Variants in RABGEF1 observed in about 807,000 individuals in gnomAD.
The protein encoded by RABGEF1 is rab5 GDP/GTP exchange factor.
In RABGEF1, 26 loss-of-function variants were observed where a neutral mutation model predicts 57.3. The ratio of observed to expected loss-of-function variants is 0.45; its 90% CI spans 0.33 to 0.63. The LOEUF is 0.63. Ranked by LOEUF, RABGEF1 falls within the 20% of genes least tolerant of loss-of-function variation. The pLI is 0.02. For missense variants in RABGEF1, 464 were observed against 607.6 expected (o/e 0.76, Z 2.48); for synonymous variants, 185 against 210.7 (o/e 0.88, Z 1.06).
intron 1 of RABGEF1, among the ~76,000 whole-genome samples, chr7:66,698,835 C>T (rs1792760090): frequency 6.6e-6 from 1 of 152,208 alleles, no homozygotes; most frequent in South Asian, 2.1e-4. Flanking sequence ...CCTGGTACTC[C>T]TCCACCTTTC....
chr7:66,760,061 T>C (rs1227435217), intron 1 of RABGEF1, among the ~76,000 whole-genome samples: 14 of 152,190 alleles, frequency 9.2e-5, no homozygotes, highest in Admixed American at 9.2e-4. Flanking sequence ...GACCTCAGTT[T>C]CTAGGAGCTG....
At chr7:66,752,442 C>T (rs1010376784) in intron 1 of RABGEF1, among the ~76,000 whole-genome samples, 2 of 150,920 alleles carry the variant, frequency 1.3e-5, no homozygotes, top group African/African-American at 4.9e-5. Flanking sequence ...TGCAGTGAGC[C>T]GAGATCATGC....
the RABGEF1 span, among the ~76,000 whole-genome samples, chr7:66,669,589 A>T: frequency 4.6e-5 from 7 of 152,158 alleles, no homozygotes; most frequent in Non-Finnish European, 5.9e-5. Flanking sequence ...AATAAAAACA[A>T]ATTTCACACT....
rs548563380 is a variant in RABGEF1, at chr7:66,683,455, A to G, written c.-873+1197A>G. Among the ~76,000 whole-genome samples, 9 of 152,328 alleles carry G rather than the reference A, an allele frequency of 5.9e-5. No homozygotes were observed. The South Asian group carries it at 1.4e-3, about 25-fold the overall frequency. The stretch of plus-strand genomic sequence containing the variant: ...ATATGAATATTTAATGACCTTTCCA[A>G]TCAGTCAGTTTCTGCTCTCTAGAAG... On this transcript the variant is annotated intron_variant and NMD_transcript_variant, in intron 1 of 9. Coordinates refer to the RABGEF1 transcript ENST00000607882.
intron 2 of RABGEF1, among the ~76,000 whole-genome samples, chr7:66,723,365 C>CTTA (rs1796255481): frequency 1.3e-5 from 2 of 152,166 alleles, no homozygotes; most frequent in Non-Finnish European, 2.9e-5. Context: ...GTGCGATTAT[C>CTTA]CTGGAGTTTA....
chr7:66,804,858 C>A (rs1387545117), intron 7 of RABGEF1, among the ~76,000 whole-genome samples: 1 of 152,046 alleles, frequency 6.6e-6, no homozygotes, highest in Non-Finnish European at 1.5e-5. Flanking sequence ...TGAACTTCAG[C>A]CCCCTCATCC....
chr7:66,748,102 A>G (rs926824683), intron 1 of RABGEF1, among the ~76,000 whole-genome samples: 1 of 152,130 alleles, frequency 6.6e-6, no homozygotes, highest in Admixed American at 6.6e-5. Flanking sequence ...GACAAAAGAG[A>G]TCATTTCTGC....
the RABGEF1 span, among the ~76,000 whole-genome samples, chr7:66,660,085 C>T: frequency 1.3e-5 from 2 of 151,806 alleles, no homozygotes; most frequent in African/African-American, 2.4e-5. Context: ...CAGTGGCTCA[C>T]GCCTGTAATC....
At chr7:66,748,271 G>T (rs1374624509) in intron 1 of RABGEF1, among the ~76,000 whole-genome samples, 6 of 152,156 alleles carry the variant, frequency 3.9e-5, no homozygotes. Flanking sequence ...AAAATAATGT[G>T]ATCCGAGTAC....
At chr7:66,774,685 G>A (rs1281650255) in intron 2 of RABGEF1, among the ~76,000 whole-genome samples, 3 of 152,078 alleles carry the variant, frequency 2.0e-5, no homozygotes, top group Non-Finnish European at 4.4e-5. Flanking sequence ...GCTTGAACTC[G>A]GGAGGCAGAG....
chr7:66,679,796 A>G (rs1289505656), upstream of RABGEF1, among the ~76,000 whole-genome samples: 1 of 152,134 alleles, frequency 6.6e-6, no homozygotes, highest in Non-Finnish European at 1.5e-5. Context: ...TTGGGAGGCC[A>G]GGGTTGGCAG....
upstream of RABGEF1, among the ~76,000 whole-genome samples, chr7:66,677,424 C>G (rs1307776144): frequency 1.3e-5 from 2 of 152,016 alleles, no homozygotes; most frequent in Non-Finnish European, 2.9e-5. Context: ...AATAAGAAAT[C>G]AGAAACAAGA....
At chr7:66,775,484 G>C (rs1467931698) in intron 3 of RABGEF1, 91 bp downstream of exon 3, 7 of 1,476,018 alleles carry the variant, frequency 4.7e-6, no homozygotes, top group Admixed American at 2.1e-5. Flanking sequence ...TGTAATTTCT[G>C]TCAACTTTTT....
At chr7:66,780,359 T>C (rs779728708) in intron 3 of RABGEF1, among the ~76,000 whole-genome samples, 1 of 152,240 alleles carries the variant, frequency 6.6e-6, no homozygotes, top group African/African-American at 2.4e-5. Context: ...ACTTAACATA[T>C]TCAAGCCTCA....
chr7:66,674,929 CTA>C, the RABGEF1 span, among the ~76,000 whole-genome samples: 2 of 141,528 alleles, frequency 1.4e-5, no homozygotes, highest in East Asian at 2.0e-4. Flanking sequence ...TATTTGTTGA[CTA>C]TTTCACCTCA....
intron 1 of RABGEF1, among the ~76,000 whole-genome samples, chr7:66,710,489 G>A (rs1794645958): frequency 6.6e-6 from 1 of 152,176 alleles, no homozygotes; most frequent in African/African-American, 2.4e-5. Flanking sequence ...GTACCATTTT[G>A]CGCTCCCTCT....
chr7:66,794,842 G>A (rs770979882), intron 4 of RABGEF1, among the ~76,000 whole-genome samples: 2 of 152,176 alleles, frequency 1.3e-5, no homozygotes, highest in African/African-American at 4.8e-5. Context: ...GAGGAGAGTC[G>A]AAGAAGTCAG....
chr7:66,712,730 C>T (rs1794913155), intron 2 of RABGEF1, among the ~76,000 whole-genome samples: 1 of 152,212 alleles, frequency 6.6e-6, no homozygotes, highest in Admixed American at 6.5e-5. Context: ...ACCTTGGCCT[C>T]CCAAAGTGCT....
At chr7:66,741,826 G>T (rs1799028247) in intron 1 of RABGEF1, among the ~76,000 whole-genome samples, 1 of 152,042 alleles carries the variant, frequency 6.6e-6, no homozygotes, top group Non-Finnish European at 1.5e-5. Flanking sequence ...GCCATTGCGC[G>T]GCTTTAACTG....
Sources: gnomAD v4.1 joint callset for allele counts (sites outside exome capture counted in the v4.1 genomes callset) on GRCh38, gnomAD v4.1.1 for gene constraint, MANE v1.5 for transcripts, NCBI Gene and HGNC (gene_info 2026-07-23, HGNC 2026-07-21) for gene names.